The following ADAM9 variants were observed in gnomAD, a reference collection of about 807,000 sequenced individuals.
ADAM9 encodes ADAM metallopeptidase domain 9, also known as disintegrin and metalloproteinase domain-containing protein 9.
A neutral mutation model predicts 108.1 loss-of-function variants in ADAM9; 54 were observed. That is an observed-to-expected ratio of 0.50 (90% CI 0.40 to 0.63). The LOEUF (loss-of-function observed/expected upper bound fraction) is 0.63, where lower values mean the gene tolerates loss of function less well. Ranked by LOEUF, ADAM9 falls within the 20% of genes least tolerant of loss-of-function variation. The pLI, the probability that ADAM9 is intolerant of heterozygous loss-of-function variation, is 0.00. For missense variants in ADAM9, 830 were observed against 997.7 expected (o/e 0.83, Z 2.26); for synonymous variants, 316 against 336.0 (o/e 0.94, Z 0.65).
rs768697509 is a variant in ADAM9, at chr8:38,997,001, A to G, written c.-63A>G. ...CTTGGGGCCCCGGCAGGGTTGGAAA[A>G]TGATGGAAGAGGCGGAGGTGGAGGC... On this transcript the variant is annotated 5_prime_UTR_variant, in exon 1 of 22. The change abolishes an upstream ATG in the 5' untranslated region. Coordinates refer to ENST00000487273, the MANE Select transcript of ADAM9 (RefSeq NM_003816.3). 3.2e-6 allele frequency: 5 copies of G among 1,573,826 alleles called. No individual in the cohort carries two copies. Among genetic ancestry groups the G allele is most frequent in the Non-Finnish European group, 3.4e-6 (4 of 1,165,426 alleles).
chr8:39,021,625 CCTT>C lies in ADAM9; in HGVS notation c.673-14_673-12del, dbSNP rs1330179059. On this transcript the variant is annotated splice_polypyrimidine_tract_variant and intron_variant, in intron 7 of 21. Coordinates refer to ENST00000487273, the MANE Select transcript of ADAM9 (RefSeq NM_003816.3). ...AAAGTACTTTGGTGATAATGATTCT[CCTT>C]CTTTGCTTTTCCAGTATGACATGAT... 1.1e-5 allele frequency: 18 copies of C among 1,609,034 alleles called. No homozygotes were observed. The highest frequency in any genetic ancestry group is 1.4e-5 in the Non-Finnish European group (17 of 1,175,512).
chr8:39,025,097 T>G (rs1017690632), intron 9 of ADAM9, among the ~76,000 whole-genome samples: 2 of 151,926 alleles, frequency 1.3e-5, no homozygotes, highest in African/African-American at 4.8e-5. Context: ...GAATTCTTTT[T>G]TTTTTATTTT....
In ADAM9 at chr8:39,104,921, T is replaced by G. The variant is rs768016283; in HGVS notation, c.*1221T>G. 6.5e-5 allele frequency: 28 copies of G among 428,546 alleles called. No individual in the cohort carries two copies. The highest frequency in any genetic ancestry group is 4.8e-4 in the African/African-American group (23 of 48,178). 26.5% of individuals were successfully genotyped at this position (428,546 alleles called of 1,614,324 possible). A position where few individuals can be genotyped will look rare whatever the true frequency, so the allele number is the denominator to read the frequency against. ...AGGTTTATTAACTGAATTTCATTAG[T>G]TTTTTAAAAGTGTTTTTGGTTTGTG... On this transcript the variant is annotated 3_prime_UTR_variant, in exon 22 of 22. Coordinates refer to ENST00000487273, the MANE Select transcript of ADAM9 (RefSeq NM_003816.3).
At chr8:39,071,459 T>C in intron 15 of ADAM9, 56 bp downstream of exon 15, 1 of 1,145,928 alleles carries the variant, frequency 8.7e-7, no homozygotes, top group Non-Finnish European at 1.2e-6. Context: ...CCGTCATCTC[T>C]AGTATCTTTT....
At chr8:39,002,386 T>A (rs1836025659) in intron 1 of ADAM9, among the ~76,000 whole-genome samples, 1 of 145,132 alleles carries the variant, frequency 6.9e-6, no homozygotes, top group African/African-American at 2.5e-5. Context: ...TGGCACAATC[T>A]GGGGTCACTG....
At chr8:39,077,794 G>A (rs563878570) in intron 16 of ADAM9, among the ~76,000 whole-genome samples, 1 of 152,286 alleles carries the variant, frequency 6.6e-6, no homozygotes, top group Admixed American at 6.5e-5. Flanking sequence ...GAGCTCTGCT[G>A]TTTGGATTAG....
At chr8:39,032,511 C>A (rs1310773468) in intron 11 of ADAM9, among the ~76,000 whole-genome samples, 2 of 152,264 alleles carry the variant, frequency 1.3e-5, no homozygotes, top group Non-Finnish European at 2.9e-5. Flanking sequence ...GTGCTGTTTG[C>A]TAAGACCATT....
At chr8:39,055,804 C>A in intron 14 of ADAM9, 32 bp downstream of exon 14, 1 of 1,578,058 alleles carries the variant, frequency 6.3e-7, no homozygotes, top group Non-Finnish European at 8.7e-7. Context: ...TTGATTGCTT[C>A]GATATTATTT....
At chr8:39,102,669 C>G (rs1047658573) in intron 21 of ADAM9, among the ~76,000 whole-genome samples, 1 of 152,218 alleles carries the variant, frequency 6.6e-6, no homozygotes, top group Admixed American at 6.5e-5. Flanking sequence ...ACCATAGAAA[C>G]AGACTGAGAT....
At chr8:39,025,966 G>C in intron 10 of ADAM9, 82 bp downstream of exon 10, 1 of 1,382,264 alleles carries the variant, frequency 7.2e-7, no homozygotes, top group Non-Finnish European at 1.0e-6. Flanking sequence ...TTCCTCCCCT[G>C]GTCCTTAAAA....
chr8:39,068,514 A>C (rs1838565550), intron 14 of ADAM9, among the ~76,000 whole-genome samples: 5 of 151,588 alleles, frequency 3.3e-5, no homozygotes, highest in Admixed American at 3.3e-4. Flanking sequence ...GTCTCTACTA[A>C]AAATACAAAA....
intron 8 of ADAM9, 99 bp from the exon 9 acceptor site, chr8:39,023,057 G>A: frequency 1.9e-6 from 2 of 1,077,176 alleles, no homozygotes; most frequent in East Asian, 2.6e-5. Flanking sequence ...TTTTAGGCAG[G>A]GGAGTTTTAA....
intron 11 of ADAM9, among the ~76,000 whole-genome samples, chr8:39,027,501 T>C (rs1014281662): frequency 6.6e-6 from 1 of 152,164 alleles, no homozygotes; most frequent in African/African-American, 2.4e-5. Context: ...ATGAGGAAAC[T>C]GAGGTCACAC....
At chr8:39,090,716 T>C (rs1422697443) in intron 19 of ADAM9, among the ~76,000 whole-genome samples, 1 of 152,212 alleles carries the variant, frequency 6.6e-6, no homozygotes. Flanking sequence ...GAGGACTAAG[T>C]AGATACTTCG....
Position 39,045,406 on chromosome 8 carries a change from A to AGG in ADAM9, c.1302+3289_1302+3290insGG, listed in dbSNP as rs1564301474. ...TATAGGTGTGTGTACACACACCTAT[A>AGG]TGTGCGCGTGTGTACACACACCTAT... On this transcript the variant is annotated intron_variant, in intron 12 of 21. Coordinates refer to ENST00000487273, the MANE Select transcript of ADAM9 (RefSeq NM_003816.3). Among the ~76,000 whole-genome samples the AGG allele has an allele frequency of 2.9e-5, 4 of 137,946 alleles. 1 individual carries two copies. Among genetic ancestry groups the AGG allele is most frequent in the African/African-American group, 9.3e-5 (3 of 32,284 alleles). The allele number at this position is 137,946 out of a possible 152,430, so 90.5% of individuals were successfully genotyped here. A position where few individuals can be genotyped will look rare whatever the true frequency, so the allele number is the denominator to read the frequency against.
At chr8:39,095,245 GCCC>G (rs1839466593) in intron 20 of ADAM9, among the ~76,000 whole-genome samples, 3 of 152,046 alleles carry the variant, frequency 2.0e-5, no homozygotes, top group Non-Finnish European at 2.9e-5. Flanking sequence ...GGAAAAGTTG[GCCC>G]TCTGTATATG....
intron 14 of ADAM9, among the ~76,000 whole-genome samples, chr8:39,060,377 T>C (rs577027994): frequency 8.4e-4 from 128 of 152,176 alleles, no homozygotes; most frequent in African/African-American, 3.0e-3. Flanking sequence ...TATTGCAGAG[T>C]TTCTCTTTGT....
At chr8:39,086,151 A>T (rs1422348887) in intron 18 of ADAM9, among the ~76,000 whole-genome samples, 1 of 150,722 alleles carries the variant, frequency 6.6e-6, no homozygotes, top group African/African-American at 2.5e-5. Flanking sequence ...AGTAGCTGGG[A>T]CTACAGGCGT....
chr8:39,023,963 C>T (rs574733136), intron 9 of ADAM9, among the ~76,000 whole-genome samples: 25 of 152,114 alleles, frequency 1.6e-4, no homozygotes, highest in Non-Finnish European at 3.4e-4. Context: ...CCAGGCTGGT[C>T]TCGAACTCCT....
Sources: gnomAD v4.1 joint callset for allele counts (sites outside exome capture counted in the v4.1 genomes callset) on GRCh38, gnomAD v4.1.1 for gene constraint, MANE v1.5 for transcripts, NCBI Gene and HGNC (gene_info 2026-07-23, HGNC 2026-07-21) for gene names.